KLRB1: variants seen among roughly 807,000 people sequenced by gnomAD.
KLRB1 encodes the protein killer cell lectin like receptor B1.
A neutral mutation model predicts 33.5 loss-of-function variants in KLRB1; 27 were observed. The observed-to-expected ratio is 0.81, with a 90% CI of 0.59 to 1.11. The LOEUF is 1.11. KLRB1 is among the 50% of genes most tolerant of loss of function. The probability of loss-of-function intolerance (pLI) is 0.00; values close to 1 mark genes in which losing one functional copy is unlikely to be tolerated. For synonymous variants in KLRB1, 64 were observed against 88.9 expected, an observed-to-expected ratio of 0.72 and a Z score of 1.58; for missense variants, 241 against 254.1, an observed-to-expected ratio of 0.95 and a Z score of 0.35.
chr12:9,602,114 T>C lies in KLRB1; in HGVS notation c.86-515A>G, dbSNP rs1157071550. On this transcript the variant is annotated intron_variant, in intron 1 of 5. Transcript: ENST00000229402. ...GCTTTGCTGTTGTCTAGAACAATCA[T>C]CTCCAAGTTGGGTCTAAGCCAACTT... Among the ~76,000 whole-genome samples, 3 of 152,270 alleles carry C rather than the reference T, an allele frequency of 2.0e-5. No homozygotes were observed. The East Asian group carries it at 5.8e-4, about 29-fold the overall frequency.
intron 3 of KLRB1, among the ~76,000 whole-genome samples, chr12:9,599,036 T>TTCAC (rs1375871733): frequency 6.6e-6 from 1 of 152,214 alleles, no homozygotes. Context: ...CAGTGCCTGT[T>TTCAC]TCACTGCACA....
intron 4 of KLRB1, 51 bp downstream of exon 4, chr12:9,598,448 G>A: frequency 6.6e-7 from 1 of 1,512,080 alleles, no homozygotes; most frequent in Non-Finnish European, 9.1e-7. Context: ...ACATTAATAT[G>A]GTTTAAAGAA....
In KLRB1 at chr12:9,595,471, C is replaced by T. The variant is rs376964893; in HGVS notation, c.531-50G>A. 62 of 1,552,446 alleles carry T rather than the reference C, an allele frequency of 4.0e-5. 1 individual carries two copies. In the African/African-American group the frequency reaches 5.7e-4, roughly 14 times the overall value. Reference sequence around the variant, plus strand: ...CTTAGCATTTATGATTTTCTCAGAGCTATTCTCACTTAGCCATTATTTCCT... The same window carrying T: ...CTTAGCATTTATGATTTTCTCAGAGTTATTCTCACTTAGCCATTATTTCCT... On this transcript the variant is annotated intron_variant, in intron 5 of 5. Transcript: ENST00000229402.
intron 1 of KLRB1, 48 bp downstream of exon 1, chr12:9,607,707 A>G (rs1338248109): frequency 6.7e-6 from 8 of 1,198,772 alleles, no homozygotes; most frequent in African/African-American, 3.0e-5. Context: ...AGGAAGATCT[A>G]ATTCTGGAAG....
chr12:9,606,388 G>T (rs911224366), intron 1 of KLRB1: 1 of 151,954 alleles, frequency 6.6e-6, no homozygotes, highest in African/African-American at 2.4e-5. Context: ...TCACATTGGT[G>T]TTCCCCGCTT....
intron 4 of KLRB1, 48 bp from the exon 5 acceptor site, chr12:9,598,209 T>C: frequency 8.0e-7 from 1 of 1,251,662 alleles, no homozygotes; most frequent in African/African-American, 1.5e-5. Context: ...TATTCCTGGT[T>C]TGATCCCCTA....
intron 1 of KLRB1, 26 bp from the exon 2 acceptor site, chr12:9,601,625 A>AAC (rs1555096877): frequency 8.4e-6 from 11 of 1,308,560 alleles, no homozygotes; most frequent in African/African-American, 1.4e-5. Flanking sequence ...GAAAAACACA[A>AAC]AAACAAACAA....
rs767801527 is a variant in KLRB1, at chr12:9,607,856, T to C, written c.-17A>G. 1 of 1,584,138 alleles carries C rather than the reference T, an allele frequency of 6.3e-7. No individual in the cohort carries two copies. Among genetic ancestry groups the C allele is most frequent in the South Asian group, 1.1e-5 (1 of 90,188 alleles). On this transcript the variant is annotated 5_prime_UTR_variant, in exon 1 of 6. Transcript: ENST00000229402. ...TTGGTCCATGGCAGACAGAGGAAGGTGGCATTAAACTTGTGTGTAAGAACA... is the reference window on the plus strand; with the variant it reads ...TTGGTCCATGGCAGACAGAGGAAGGCGGCATTAAACTTGTGTGTAAGAACA...
chr12:9,600,602 C>A lies in KLRB1; in HGVS notation c.185-761G>T, dbSNP rs993866594. On this transcript the variant is annotated intron_variant, in intron 2 of 5. Coordinates refer to ENST00000229402, the MANE Select transcript of KLRB1 (RefSeq NM_002258.3). Reference sequence around the variant, plus strand: ...TGTTAATCTATAACCTTACCCCCAACCCCTTGCTCTCTGAAACATGTGCTG... The same window carrying A: ...TGTTAATCTATAACCTTACCCCCAAACCCTTGCTCTCTGAAACATGTGCTG... Among the ~76,000 whole-genome samples, 6 of 152,168 alleles carry A rather than the reference C, an allele frequency of 3.9e-5. No homozygotes were observed. In the East Asian group the frequency reaches 7.7e-4, roughly 20 times the overall value.
chr12:9,599,940 G>A (rs965594053), intron 2 of KLRB1, 99 bp from the exon 3 acceptor site: 8 of 684,896 alleles, frequency 1.2e-5, no homozygotes, highest in South Asian at 5.1e-5. Flanking sequence ...ATCTCAACAC[G>A]CTTGAATATG....
chr12:9,606,775 T>TTTTTTTTTTTTTTTA (rs1864611163), intron 1 of KLRB1, among the ~76,000 whole-genome samples: 3 of 124,254 alleles, frequency 2.4e-5, no homozygotes, highest in Non-Finnish European at 3.5e-5. Context: ...TTTTTTTTTT[T>TTTTTTTTTTTTTTTA]TGAGATAGTC....
At chr12:9,607,335 C>CCTTCCTTCCTGCCTGCCTTT (rs1864621978) in intron 1 of KLRB1, among the ~76,000 whole-genome samples, 3 of 65,170 alleles carry the variant, frequency 4.6e-5, no homozygotes, top group Non-Finnish European at 1.1e-4. Context: ...CTCTTTCTTT[C>CCTTCCTTCCTGCCTGCCTTT]CTTTCTTTCT....
At chr12:9,601,665 C>A (rs1864544780) in intron 1 of KLRB1, 66 bp from the exon 2 acceptor site, 1 of 1,042,426 alleles carries the variant, frequency 9.6e-7, no homozygotes, top group Non-Finnish European at 1.5e-6. Flanking sequence ...TTGGTTAACT[C>A]AGTGGAGTAC....
intron 5 of KLRB1, 110 bp from the exon 6 acceptor site, chr12:9,595,531 TAAAC>T: frequency 1.0e-6 from 1 of 1,001,904 alleles, no homozygotes; most frequent in Non-Finnish European, 1.5e-6. Flanking sequence ...GATAAACTAT[TAAAC>T]AAAGAAGGCA....
At chr12:9,602,852 A>G (rs1400269170) in intron 1 of KLRB1, among the ~76,000 whole-genome samples, 1 of 152,162 alleles carries the variant, frequency 6.6e-6, no homozygotes, top group Non-Finnish European at 1.5e-5. Flanking sequence ...CAGAACGGCC[A>G]TGAAGCCATT....
chr12:9,595,015 A>G lies in KLRB1; in HGVS notation c.*259T>C, dbSNP rs1864479112. 2.4e-6 allele frequency: 1 copy of G among 409,356 alleles called. No homozygotes were observed. Among genetic ancestry groups the G allele is most frequent in the Non-Finnish European group, 4.4e-6 (1 of 227,240 alleles). 25.4% of individuals were successfully genotyped at this position (409,356 alleles called of 1,614,324 possible). Reference sequence around the variant, plus strand: ...ATATACCAATCTGGCATATTCGGGGACATCCTTCACTCCTTCACCATAGAA... The same window carrying G: ...ATATACCAATCTGGCATATTCGGGGGCATCCTTCACTCCTTCACCATAGAA... On this transcript the variant is annotated 3_prime_UTR_variant, in exon 6 of 6. Transcript: ENST00000229402.
At chr12:9,599,675 C>T in intron 3 of KLRB1, 92 bp downstream of exon 3, 2 of 843,288 alleles carry the variant, frequency 2.4e-6, no homozygotes, top group Admixed American at 1.8e-5. Flanking sequence ...AATATCTTAA[C>T]ATATGGATTG....
At chr12:9,605,934 A>G (rs1322977401) in intron 1 of KLRB1, among the ~76,000 whole-genome samples, 2 of 152,138 alleles carry the variant, frequency 1.3e-5, no homozygotes, top group Admixed American at 6.5e-5. Context: ...CACTACCTCT[A>G]TATTCATTTT....
rs1327627771 is a variant in KLRB1 at position 9,600,678 on chromosome 12, TAA to T, written c.184+821_184+822del. Among the ~76,000 whole-genome samples the T allele has an allele frequency of 2.6e-5, 4 of 152,250 alleles. No individual in the cohort carries two copies. In the East Asian group the frequency reaches 7.7e-4, roughly 29 times the overall value. ...AAGGGCGGTGCAAGATGTGCTTTGT[TAA>T]ACAGATGCTTGAAGGCAGCATGCTC... is the stretch of plus-strand genomic sequence containing the variant. On this transcript the variant is annotated intron_variant, in intron 2 of 5. Coordinates refer to ENST00000229402, the MANE Select transcript of KLRB1 (RefSeq NM_002258.3).
Sources: gnomAD v4.1 joint callset for allele counts (sites outside exome capture counted in the v4.1 genomes callset) on GRCh38, gnomAD v4.1.1 for gene constraint, MANE v1.5 for transcripts, NCBI Gene and HGNC (gene_info 2026-07-23, HGNC 2026-07-21) for gene names.